Variants in TNS1 observed in about 807,000 individuals in gnomAD.
TNS1 encodes the protein tensin 1.
In TNS1, 62 loss-of-function variants were observed where a neutral mutation model predicts 168.6. The ratio of observed to expected loss-of-function variants is 0.37; its 90% CI spans 0.30 to 0.45. The LOEUF is 0.45. Among genes scored for constraint, TNS1 ranks in the 20% least tolerant of loss-of-function variants. The pLI is 1.00. For synonymous variants in TNS1, 934 were observed against 933.2 expected, an observed-to-expected ratio of 1.00 and a Z score of -0.02; for missense variants, 2,240 against 2,339.4, an observed-to-expected ratio of 0.96 and a Z score of 0.88.
intron 3 of TNS1, among the ~76,000 whole-genome samples, chr2:217,959,282 A>G (rs1485344711): frequency 1.3e-5 from 2 of 152,268 alleles, no homozygotes; most frequent in Non-Finnish European, 2.9e-5. Flanking sequence ...CACAACTCAC[A>G]TAAAGCACTT....
intron 1 of TNS1, among the ~76,000 whole-genome samples, chr2:218,027,722 T>C (rs1054376584): frequency 6.7e-6 from 1 of 149,840 alleles, no homozygotes; most frequent in African/African-American, 2.5e-5. Context: ...ACGGTGGGAG[T>C]GGAGGGTGGA....
At chr2:217,826,934 AC>A (rs1943712008) in intron 22 of TNS1, among the ~76,000 whole-genome samples, 2 of 152,158 alleles carry the variant, frequency 1.3e-5, no homozygotes, top group Non-Finnish European at 2.9e-5. Context: ...GAAGGGGCAC[AC>A]CCACCCTAAC....
intron 32 of TNS1, among the ~76,000 whole-genome samples, chr2:217,805,485 C>T (rs1574520664): frequency 6.0e-5 from 3 of 50,046 alleles, no homozygotes; most frequent in Non-Finnish European, 9.0e-5. Flanking sequence ...CCACACACAC[C>T]ACACACACAC....
chr2:217,906,245 G>A (rs1008639176), intron 6 of TNS1, 90 bp downstream of exon 6: 23 of 677,460 alleles, frequency 3.4e-5, no homozygotes, highest in East Asian at 3.0e-4. Context: ...GGAAGCCCAC[G>A]AAACAAGACA....
chr2:217,854,271 C>T (rs184264784), intron 18 of TNS1, among the ~76,000 whole-genome samples: 48 of 152,304 alleles, frequency 3.2e-4, no homozygotes, highest in African/African-American at 1.0e-3. Context: ...TTAGGACAGA[C>T]GGCCCAACCA....
chr2:218,008,061 C>T (rs1958675651), intron 1 of TNS1, among the ~76,000 whole-genome samples: 1 of 152,160 alleles, frequency 6.6e-6, no homozygotes, highest in South Asian at 2.1e-4. Context: ...GAGCTCCAAC[C>T]AGGCCCTGTG....
chr2:217,978,939 G>C (rs953802540), intron 2 of TNS1, 137 bp from the exon 3 acceptor site: 40 of 659,474 alleles, frequency 6.1e-5, no homozygotes, highest in Middle Eastern at 5.1e-4. Flanking sequence ...GGGAAGGAGA[G>C]AGGGAGAGAG....
At position 217,880,903 on chromosome 2, in the gene TNS1, A is replaced by G; in HGVS notation, c.1424T>C (p.Met475Thr). The change falls in exon 18 of 33, where the codon ATG becomes ACG. Residue 475 changes from methionine (M) to threonine (T), a missense_variant. Physicochemically the swap from Met to Thr is moderately conservative, Grantham distance 81. Transcript: ENST00000682258. This position sits in a 1 kb window ranked among gnomAD's most constrained non-coding sequence, Gnocchi z 4.2. ...DNFSGHRDDGMEEVVGHTQGP... is the reference protein window; with the variant it reads ...DNFSGHRDDGTEEVVGHTQGP... ...AGCCACTAGGTCCCACCTACCCTCC[A>G]TGCCGTCATCTCGATGCCCACTGAA... 6.2e-7 allele frequency: 1 copy of G among 1,613,496 alleles called. No individual in the cohort carries two copies. The highest frequency in any genetic ancestry group is 1.1e-5 in the South Asian group (1 of 91,050).
At chr2:217,940,493 G>C (rs1042972395) in intron 3 of TNS1, among the ~76,000 whole-genome samples, 3 of 152,102 alleles carry the variant, frequency 2.0e-5, no homozygotes, top group East Asian at 1.9e-4. Flanking sequence ...CAGGTCTCCC[G>C]ATCCTTCCCT....
intron 3 of TNS1, among the ~76,000 whole-genome samples, chr2:217,967,305 A>G (rs1957671369): frequency 1.3e-5 from 2 of 152,186 alleles, no homozygotes; most frequent in African/African-American, 2.4e-5. Flanking sequence ...TGGGTGACAG[A>G]GCGAGACTCG....
intron 22 of TNS1, among the ~76,000 whole-genome samples, chr2:217,827,425 G>A (rs933304611): frequency 6.6e-6 from 1 of 152,092 alleles, no homozygotes; most frequent in African/African-American, 2.4e-5. Flanking sequence ...AGCAAAGAAT[G>A]AGCTTTAGTC....
intron 22 of TNS1, chr2:217,830,072 C>G: frequency 1.2e-6 from 1 of 823,888 alleles, no homozygotes; most frequent in Non-Finnish European, 1.5e-6. Flanking sequence ...TTTGCGCTGT[C>G]CACAGAAGGA....
At chr2:217,863,146 A>G (rs1948943088) in intron 18 of TNS1, among the ~76,000 whole-genome samples, 1 of 152,212 alleles carries the variant, frequency 6.6e-6, no homozygotes, top group Admixed American at 6.5e-5. Flanking sequence ...CTCGTAAAGA[A>G]CAGAATGGCT....
chr2:217,849,620 T>C (rs777123644), intron 18 of TNS1: 57 of 981,172 alleles, frequency 5.8e-5, no homozygotes, highest in Non-Finnish European at 6.5e-5. Flanking sequence ...AATTCCTGAA[T>C]GACCATTTCC....
At chr2:217,830,449 C>T (rs1180449870) in intron 22 of TNS1, 5 of 1,594,534 alleles carry the variant, frequency 3.1e-6, no homozygotes, top group African/African-American at 2.7e-5. Context: ...AACCAGAGTC[C>T]AGGGAGCAGC....
At position 217,842,138 on chromosome 2, in the gene TNS1, A is replaced by G. The variant is rs766853528; in HGVS notation, c.3007+5372T>C. On this transcript the variant is annotated intron_variant, in intron 19 of 32. Coordinates refer to ENST00000682258, the MANE Select transcript of TNS1 (RefSeq NM_001387777.1). Reference sequence around the variant, plus strand: ...GTAGCCTTGGAATGTGGGAGGTTCCAGGACTCCATCCTTGGGACCTCTCCT... The same window carrying G: ...GTAGCCTTGGAATGTGGGAGGTTCCGGGACTCCATCCTTGGGACCTCTCCT... 1.3e-5 allele frequency: 9 copies of G among 702,740 alleles called. No individual in the cohort carries two copies. In the African/African-American group the frequency reaches 1.4e-4, roughly 11 times the overall value. The allele number at this position is 702,740 out of a possible 1,614,324, so 43.5% of individuals were successfully genotyped here. A position where few individuals can be genotyped will look rare whatever the true frequency, so the allele number is the denominator to read the frequency against.
intron 12 of TNS1, among the ~76,000 whole-genome samples, chr2:217,887,660 C>T (rs781278535): frequency 5.6e-4 from 85 of 152,128 alleles, no homozygotes; most frequent in Admixed American, 9.8e-4. Context: ...AAGAACTAAC[C>T]CACACCCTCT....
rs891612839 is a variant in TNS1 at position 218,015,432 on chromosome 2, T to G, written c.156+18388A>C. The stretch of plus-strand genomic sequence containing the variant: ...AGGAGGTGAGTCCCTAAGTTCTCTT[T>G]GTCCCCTTCACCACTACTAGCCCAG... On this transcript the variant is annotated intron_variant, in intron 1 of 1. Transcript: ENST00000649572. 2.1e-4 allele frequency among the ~76,000 whole-genome samples: 32 copies of G among 152,126 alleles called. 1 individual carries two copies. Among genetic ancestry groups the G allele is most frequent in the Admixed American group, 2.0e-3 (31 of 15,290 alleles).
In TNS1 at chr2:217,813,648, A is replaced by T. The variant is rs768775054; in HGVS notation, c.4861+37T>A. 3.8e-6 allele frequency: 6 copies of T among 1,577,762 alleles called. No individual in the cohort carries two copies. The African/African-American group carries it at 8.1e-5, about 21-fold the overall frequency. ...TCCAGGTTTAGCGACTGTAAAGCTC[A>T]CCTGGTCCTGAGCCCCATTCTGGGA... On this transcript the variant is annotated intron_variant, in intron 26 of 32. Coordinates refer to ENST00000682258, the MANE Select transcript of TNS1 (RefSeq NM_001387777.1). This position sits in a 1 kb window ranked among gnomAD's most constrained non-coding sequence, Gnocchi z 4.0.
Sources: gnomAD v4.1 joint callset for allele counts (sites outside exome capture counted in the v4.1 genomes callset) on GRCh38, gnomAD v4.1.1 for gene constraint, Gnocchi (gnomAD v3.1) non-coding constraint, MANE v1.5 for transcripts, NCBI Gene and HGNC (gene_info 2026-07-23, HGNC 2026-07-21) for gene names.